Variants in CCDC91 observed in about 807,000 individuals in gnomAD.
CCDC91 encodes coiled-coil domain containing 91.
A neutral mutation model predicts 63.2 loss-of-function variants in CCDC91; 48 were observed. That is an observed-to-expected ratio of 0.76 (90% confidence interval 0.60 to 0.97). The LOEUF (loss-of-function observed/expected upper bound fraction) is 0.97, where lower values mean the gene tolerates loss of function less well. Among genes scored for constraint, CCDC91 ranks in the 50% least tolerant of loss-of-function variants. CCDC91 has a pLI of 0.00. For synonymous variants in CCDC91, 167 were observed against 165.8 expected, an observed-to-expected ratio of 1.01 and a Z score of -0.06; for missense variants, 500 against 494.6, an observed-to-expected ratio of 1.01 and a Z score of -0.10.
At position 28,387,011 on chromosome 12, in the gene CCDC91, A is replaced by G. The variant is rs78464323; in HGVS notation, c.655-4293A>G. Among the ~76,000 whole-genome samples, 1,401 of 152,320 alleles carry G rather than the reference A, an allele frequency of 9.2e-3. 27 individuals carry two copies. The highest frequency in any genetic ancestry group is 0.032 in the African/African-American group (1,332 of 41,576). On this transcript the variant is annotated intron_variant, in intron 7 of 12. Coordinates refer to ENST00000536442, the MANE Select transcript of CCDC91 (RefSeq NM_018318.5). The stretch of plus-strand genomic sequence containing the variant: ...GGGTATCTGTAGAGACAGTTACAGA[A>G]GAAGACAATCAGCAAATGTTAAGAT...
chr12:28,222,407 T>C (rs1198454833), intron 1 of CCDC91, among the ~76,000 whole-genome samples: 1 of 152,214 alleles, frequency 6.6e-6, no homozygotes, highest in African/African-American at 2.4e-5. Context: ...TTTATGATAC[T>C]TTATAAAGTA....
intron 8 of CCDC91, among the ~76,000 whole-genome samples, chr12:28,408,652 T>A (rs1405535369): frequency 6.6e-5 from 10 of 152,278 alleles, no homozygotes; most frequent in South Asian, 4.1e-4. Context: ...TTTATTTTTT[T>A]ATTTTTTTGA....
At chr12:28,395,114 A>G (rs910821965) in intron 8 of CCDC91, among the ~76,000 whole-genome samples, 3 of 152,172 alleles carry the variant, frequency 2.0e-5, no homozygotes, top group Admixed American at 2.0e-4. Flanking sequence ...GGTATTTCAT[A>G]TGTTGTCTTG....
intron 12 of CCDC91, among the ~76,000 whole-genome samples, chr12:28,494,287 G>A (rs1409891107): frequency 1.3e-5 from 2 of 151,514 alleles, no homozygotes; most frequent in South Asian, 4.2e-4. Context: ...TTTTTTCTGG[G>A]ACCTACTCAC....
chr12:28,389,525 C>T (rs1945808297), intron 7 of CCDC91, among the ~76,000 whole-genome samples: 1 of 151,904 alleles, frequency 6.6e-6, no homozygotes, highest in South Asian at 2.1e-4. Flanking sequence ...CAAATCAACC[C>T]CTAGAGGAAG....
intron 8 of CCDC91, among the ~76,000 whole-genome samples, chr12:28,437,547 G>A (rs2140162479): frequency 6.6e-6 from 1 of 152,096 alleles, no homozygotes; most frequent in Non-Finnish European, 1.5e-5. Context: ...TACCTTTACA[G>A]CTAGATTCTT....
chr12:28,196,984 T>A (rs146472541), intron 1 of CCDC91, among the ~76,000 whole-genome samples: 184 of 152,314 alleles, frequency 1.2e-3, no homozygotes, highest in African/African-American at 4.1e-3. Context: ...AATGATTTTC[T>A]TATTGTTAAA....
intron 7 of CCDC91, among the ~76,000 whole-genome samples, chr12:28,370,243 TC>T (rs1944529994): frequency 6.6e-6 from 1 of 152,210 alleles, no homozygotes; most frequent in Non-Finnish European, 1.5e-5. Flanking sequence ...CTGTGCACTT[TC>T]AGAAAAAGTT....
intron 12 of CCDC91, among the ~76,000 whole-genome samples, chr12:28,525,563 A>G (rs1438153016): frequency 6.6e-6 from 1 of 152,070 alleles, no homozygotes; most frequent in African/African-American, 2.4e-5. Context: ...GTTGATTAGA[A>G]TGTATATTCT....
At chr12:28,433,075 T>C (rs981224701) in intron 8 of CCDC91, among the ~76,000 whole-genome samples, 2 of 151,986 alleles carry the variant, frequency 1.3e-5, no homozygotes, top group East Asian at 1.9e-4. Flanking sequence ...CTTTTTTTGT[T>C]GTTGAGTTTT....
At chr12:28,301,218 T>C (rs61922979) in intron 3 of CCDC91, among the ~76,000 whole-genome samples, 30,285 of 151,410 alleles carry the variant, frequency 0.2, 3,967 homozygotes, top group Non-Finnish European at 0.3. Context: ...GAGGTTTATA[T>C]ATTTTATTTT....
chr12:28,415,182 G>A (rs1053661322), intron 8 of CCDC91, among the ~76,000 whole-genome samples: 10 of 150,492 alleles, frequency 6.6e-5, no homozygotes, highest in Non-Finnish European at 1.2e-4. Context: ...TTCTCTTTAG[G>A]TAAATTTTAG....
chr12:28,420,740 C>G (rs568450301), intron 8 of CCDC91, among the ~76,000 whole-genome samples: 48 of 150,842 alleles, frequency 3.2e-4, no homozygotes, highest in Non-Finnish European at 6.0e-4. Context: ...AACAGTGTTG[C>G]AGGTGTGCAT....
rs142693724 is a variant in CCDC91 at position 28,308,001 on chromosome 12, A to G, written c.576+252A>G. ...AAGAAATATTCTGTTTCTGATGGATACATTTTGGGAACTGTTTATTCTAAT... is the reference window on the plus strand; with the variant it reads ...AAGAAATATTCTGTTTCTGATGGATGCATTTTGGGAACTGTTTATTCTAAT... On this transcript the variant is annotated intron_variant, in intron 6 of 12. Coordinates refer to ENST00000536442, the MANE Select transcript of CCDC91 (RefSeq NM_018318.5). Among the ~76,000 whole-genome samples, 52 of 152,150 alleles carry G rather than the reference A, an allele frequency of 3.4e-4. No homozygotes were observed. The East Asian group carries it at 9.5e-3, about 28-fold the overall frequency.
chr12:28,365,831 T>C (rs1016686361), intron 7 of CCDC91, among the ~76,000 whole-genome samples: 3 of 152,190 alleles, frequency 2.0e-5, no homozygotes, highest in Non-Finnish European at 2.9e-5. Context: ...TGTAAATGTT[T>C]ACTCAAATAT....
intron 8 of CCDC91, among the ~76,000 whole-genome samples, chr12:28,429,874 G>A (rs1592650344): frequency 6.6e-6 from 1 of 151,872 alleles, no homozygotes; most frequent in African/African-American, 2.4e-5. Context: ...ACTCTCTGAT[G>A]CTCTCTTGTA....
chr12:28,505,813 C>T (rs1284417515), intron 12 of CCDC91, among the ~76,000 whole-genome samples: 1 of 152,014 alleles, frequency 6.6e-6, no homozygotes, highest in African/African-American at 2.4e-5. Context: ...ATCAGTCAGA[C>T]ATTCAGTTTC....
chr12:28,392,341 G>GT (rs1945998664), intron 8 of CCDC91, among the ~76,000 whole-genome samples: 2 of 152,114 alleles, frequency 1.3e-5, no homozygotes, highest in African/African-American at 2.4e-5. Flanking sequence ...AATAGCAAAA[G>GT]TTTATATTTT....
intron 12 of CCDC91, among the ~76,000 whole-genome samples, chr12:28,489,859 C>T (rs181402698): frequency 6.6e-5 from 10 of 151,912 alleles, no homozygotes; most frequent in Non-Finnish European, 1.5e-4. Flanking sequence ...ATGTTCTGAC[C>T]AGTTACACAG....
Sources: gnomAD v4.1 joint callset for allele counts (sites outside exome capture counted in the v4.1 genomes callset) on GRCh38, gnomAD v4.1.1 for gene constraint, MANE v1.5 for transcripts, NCBI Gene and HGNC (gene_info 2026-07-23, HGNC 2026-07-21) for gene names.